Variants in HECW2 observed in about 807,000 individuals in gnomAD.
HECW2 encodes HECT, C2 and WW domain containing E3 ubiquitin protein ligase 2.
HECW2 carries 61 observed loss-of-function variants against 175.2 expected under a neutral mutation model. The observed-to-expected ratio is 0.35, with a 90% confidence interval of 0.28 to 0.43. The LOEUF (loss-of-function observed/expected upper bound fraction) is 0.43. Ranked by LOEUF, HECW2 falls within the 20% of genes least tolerant of loss-of-function variation. The pLI is 1.00. For missense variants in HECW2, 1,524 were observed against 2,000.5 expected (o/e 0.76, Z 4.54); for synonymous variants, 671 against 731.0 (o/e 0.92, Z 1.32).
chr2:196,481,086 A>C (rs1438998304), intron 1 of HECW2, among the ~76,000 whole-genome samples: 2 of 152,248 alleles, frequency 1.3e-5, no homozygotes. Flanking sequence ...AGTTTCAAGA[A>C]GGCTTTGGAT....
chr2:196,224,408 G>A (rs542634142), intron 23 of HECW2, among the ~76,000 whole-genome samples: 8 of 152,232 alleles, frequency 5.3e-5, no homozygotes, highest in African/African-American at 1.9e-4. Flanking sequence ...TAAGACAGGA[G>A]AAGAAATTCC....
intron 1 of HECW2, among the ~76,000 whole-genome samples, chr2:196,585,470 T>C (rs898636158): frequency 3.9e-5 from 6 of 152,228 alleles, no homozygotes; most frequent in Non-Finnish European, 7.3e-5. Context: ...GAATGGGGTT[T>C]ACATTTAAAT....
Position 196,225,399 on chromosome 2 carries a change from G to A in HECW2, c.4016+373C>T, listed in dbSNP as rs371384253. On this transcript the variant is annotated intron_variant, in intron 23 of 28. Coordinates refer to ENST00000644978, the MANE Select transcript of HECW2 (RefSeq NM_001348768.2). ...AATATAAAATGTGTCTCATAAAGGA[G>A]AGGGGGGCTGTGAGTCACTAAGACT... is the stretch of plus-strand genomic sequence containing the variant. Among the ~76,000 whole-genome samples the A allele has an allele frequency of 8.5e-5, 13 of 152,326 alleles. 1 individual carries two copies. In the South Asian group the frequency reaches 2.5e-3, roughly 29 times the overall value.
intron 21 of HECW2, among the ~76,000 whole-genome samples, chr2:196,235,288 C>T (rs534753102): frequency 6.6e-5 from 10 of 151,746 alleles, no homozygotes; most frequent in East Asian, 1.9e-4. Flanking sequence ...TTATTAGAGA[C>T]GGGGTTTCAC....
chr2:196,389,996 A>G (rs1305316230), intron 2 of HECW2, among the ~76,000 whole-genome samples: 1 of 152,158 alleles, frequency 6.6e-6, no homozygotes, highest in African/African-American at 2.4e-5. Flanking sequence ...ACCTCTTTAG[A>G]TACTTTGAAA....
chr2:196,525,652 A>G lies in HECW2; in HGVS notation c.-36+67856T>C, dbSNP rs1451279571. Among the ~76,000 whole-genome samples, 301 of 147,256 alleles carry G rather than the reference A, an allele frequency of 2.0e-3. 2 individuals carry two copies. Among genetic ancestry groups the G allele is most frequent in the African/African-American group, 7.2e-3 (287 of 39,804 alleles). On this transcript the variant is annotated intron_variant, in intron 1 of 28. Coordinates refer to ENST00000644978, the MANE Select transcript of HECW2 (RefSeq NM_001348768.2). ...TTCCATGTTTAGTGCTTCCTTCAGG[A>G]GCTCTTTTAGGGCAGGCCTGGTGGT...
intron 4 of HECW2, among the ~76,000 whole-genome samples, chr2:196,330,936 T>A (rs760811757): frequency 2.0e-5 from 3 of 152,184 alleles, no homozygotes; most frequent in Non-Finnish European, 4.4e-5. Context: ...TCTGATTTTT[T>A]TTTTAAACTC....
At chr2:196,527,198 T>C (rs1022135635) in intron 1 of HECW2, among the ~76,000 whole-genome samples, 13 of 152,346 alleles carry the variant, frequency 8.5e-5, no homozygotes, top group Non-Finnish European at 1.6e-4. Context: ...TTTTTTAAGC[T>C]GGTCTGAAAA....
chr2:196,399,577 A>G (rs1694762110), intron 2 of HECW2, among the ~76,000 whole-genome samples: 1 of 152,168 alleles, frequency 6.6e-6, no homozygotes, highest in Non-Finnish European at 1.5e-5. Context: ...ACATTTGCTC[A>G]CTTCTTTCTC....
chr2:196,509,407 T>G (rs1687870476), intron 1 of HECW2, among the ~76,000 whole-genome samples: 1 of 152,208 alleles, frequency 6.6e-6, no homozygotes, highest in Non-Finnish European at 1.5e-5. Context: ...TATTGGCCAC[T>G]GGTGATCAAC....
chr2:196,592,111 A>G (rs1691220038), intron 1 of HECW2, among the ~76,000 whole-genome samples: 1 of 152,188 alleles, frequency 6.6e-6, no homozygotes, highest in Non-Finnish European at 1.5e-5. Context: ...CAAACTATAG[A>G]ACACTACTCC....
At chr2:196,408,039 C>T (rs1222360819) in intron 2 of HECW2, among the ~76,000 whole-genome samples, 1 of 152,194 alleles carries the variant, frequency 6.6e-6, no homozygotes, top group Non-Finnish European at 1.5e-5. Flanking sequence ...CATCCAGCAC[C>T]TTCTGAGTCT....
intron 1 of HECW2, among the ~76,000 whole-genome samples, chr2:196,577,543 G>A (rs575224320): frequency 2.3e-4 from 35 of 152,220 alleles, no homozygotes; most frequent in Non-Finnish European, 4.7e-4. Flanking sequence ...AAGCTCTGAC[G>A]TATTCCTTAG....
rs145350607 is a variant in HECW2 at position 196,315,582 on chromosome 2, C to T, written c.2434+1692G>A. On this transcript the variant is annotated intron_variant, in intron 10 of 28. Transcript: ENST00000644978. ...CTGTTTGTCAGTCACTGATTAAATACCATGAGTCACTAAGTTGCCTTTACT... is the reference window on the plus strand; with the variant it reads ...CTGTTTGTCAGTCACTGATTAAATATCATGAGTCACTAAGTTGCCTTTACT... Among the ~76,000 whole-genome samples, 887 of 152,290 alleles carry T rather than the reference C, an allele frequency of 5.8e-3. 8 individuals carry two copies. Among genetic ancestry groups the T allele is most frequent in the Middle Eastern group, 0.02 (6 of 294 alleles).
At chr2:196,565,853 G>A (rs950565340) in intron 1 of HECW2, among the ~76,000 whole-genome samples, 19 of 152,124 alleles carry the variant, frequency 1.2e-4, no homozygotes, top group South Asian at 6.2e-4. Context: ...TAGTACATGC[G>A]AATAGTCATA....
intron 1 of HECW2, among the ~76,000 whole-genome samples, chr2:196,465,241 G>A (rs964464700): frequency 6.6e-6 from 1 of 152,102 alleles, no homozygotes; most frequent in Non-Finnish European, 1.5e-5. Context: ...GAAATGCTAA[G>A]GGGCTGATTT....
chr2:196,264,920 T>C (rs768150546), intron 17 of HECW2, among the ~76,000 whole-genome samples: 3 of 152,182 alleles, frequency 2.0e-5, no homozygotes, highest in African/African-American at 7.2e-5. Context: ...AATCTCTTAA[T>C]AGGCCTACAA....
chr2:196,329,160 TC>T (rs1442774844), intron 5 of HECW2, among the ~76,000 whole-genome samples: 2 of 152,222 alleles, frequency 1.3e-5, no homozygotes, highest in African/African-American at 4.8e-5. Context: ...AATTGGCTTA[TC>T]CACTTTCCAA....
intron 2 of HECW2, among the ~76,000 whole-genome samples, chr2:196,391,541 C>G (rs969036068): frequency 6.6e-6 from 1 of 152,130 alleles, no homozygotes; most frequent in African/African-American, 2.4e-5. Context: ...ACATTTGGAA[C>G]CCAAAGGCTT....
Sources: gnomAD v4.1 joint callset for allele counts (sites outside exome capture counted in the v4.1 genomes callset) on GRCh38, gnomAD v4.1.1 for gene constraint, MANE v1.5 for transcripts, NCBI Gene and HGNC (gene_info 2026-07-23, HGNC 2026-07-21) for gene names.